The following OXSR1 variants were observed in gnomAD, a reference collection of about 807,000 sequenced individuals.
The protein encoded by OXSR1 is oxidative stress responsive kinase 1.
In OXSR1, 24 loss-of-function variants were observed where a neutral mutation model predicts 79.8. That is an observed-to-expected ratio of 0.30 (90% CI 0.22 to 0.42). The LOEUF is 0.42. OXSR1 is among the 10% of genes least tolerant of loss of function. The probability of loss-of-function intolerance (pLI) is 1.00; values close to 1 mark genes in which losing one functional copy is unlikely to be tolerated. For missense variants in OXSR1, 430 were observed against 618.4 expected (o/e 0.70, Z 3.23); for synonymous variants, 226 against 209.2 (o/e 1.08, Z -0.69).
At chr3:38,200,383 C>T (rs1483921716) in intron 4 of OXSR1, among the ~76,000 whole-genome samples, 2 of 152,070 alleles carry the variant, frequency 1.3e-5, no homozygotes, top group Middle Eastern at 3.2e-3. Flanking sequence ...TTAAACCTTT[C>T]CTATGATGTT....
At chr3:38,184,845 C>T in intron 2 of OXSR1, among the ~76,000 whole-genome samples, 1 of 114,144 alleles carries the variant, frequency 8.8e-6, no homozygotes. Context: ...TTATTGTCTG[C>T]TTAGTATAGT....
At chr3:38,230,332 T>G in intron 9 of OXSR1, 33 bp from the exon 10 acceptor site, 2 of 1,422,912 alleles carry the variant, frequency 1.4e-6, no homozygotes, top group Non-Finnish European at 2.0e-6. Context: ...CTTAAAAACT[T>G]GTAAGAACAA....
chr3:38,249,244 C>A (rs1396002773), intron 14 of OXSR1, among the ~76,000 whole-genome samples: 1 of 152,130 alleles, frequency 6.6e-6, no homozygotes, highest in African/African-American at 2.4e-5. Context: ...GTTCTCATTT[C>A]TCTGTCTTTA....
rs549940647 is a variant in OXSR1 at position 38,186,650 on chromosome 3, T to C, written c.183+3535T>C. ...CATGTATCAGTTCTTTTTTCCTTTTTTATTGGTGAATAACAGTCCATTATA... is the reference window on the plus strand; with the variant it reads ...CATGTATCAGTTCTTTTTTCCTTTTCTATTGGTGAATAACAGTCCATTATA... On this transcript the variant is annotated intron_variant, in intron 2 of 17. Transcript: ENST00000311806. Among the ~76,000 whole-genome samples the C allele has an allele frequency of 2.6e-5, 4 of 152,372 alleles. No homozygotes were observed. In the East Asian group the frequency reaches 7.7e-4, roughly 29 times the overall value.
chr3:38,218,802 A>G (rs1395451404), intron 5 of OXSR1, among the ~76,000 whole-genome samples: 1 of 152,160 alleles, frequency 6.6e-6, no homozygotes, highest in Non-Finnish European at 1.5e-5. Context: ...AGGGGCTTCT[A>G]ACTTTTTCAT....
At chr3:38,224,542 A>G in intron 7 of OXSR1, 29 bp from the exon 8 acceptor site, 1 of 1,555,432 alleles carries the variant, frequency 6.4e-7, no homozygotes, top group Non-Finnish European at 8.6e-7. Flanking sequence ...AGTCATCACA[A>G]GTTTATAGTA....
intron 2 of OXSR1, among the ~76,000 whole-genome samples, chr3:38,188,794 A>G (rs1414154109): frequency 6.6e-6 from 1 of 152,108 alleles, no homozygotes; most frequent in Admixed American, 6.5e-5. Context: ...CAAGCCTTCC[A>G]TGTTATGACT....
Position 38,165,766 on chromosome 3 carries a change from G to A in OXSR1, c.-111G>A, listed in dbSNP as rs1438177705. On this transcript the variant is annotated 5_prime_UTR_variant, in exon 1 of 18. Transcript: ENST00000311806. Reference sequence around the variant, plus strand: ...GACCCGTGGCTGTTCCGAGACGATTGGTGGGGGCGCGGCGGCGGCGGCGGC... The same window carrying A: ...GACCCGTGGCTGTTCCGAGACGATTAGTGGGGGCGCGGCGGCGGCGGCGGC... The A allele has an allele frequency of 2.1e-6, 2 of 971,488 alleles. No homozygotes were observed. The highest frequency in any genetic ancestry group is 5.2e-5 in the East Asian group (2 of 38,126). 60.2% of individuals were successfully genotyped at this position (971,488 alleles called of 1,614,324 possible).
chr3:38,171,096 A>G (rs1488639932), intron 1 of OXSR1, among the ~76,000 whole-genome samples: 1 of 152,152 alleles, frequency 6.6e-6, no homozygotes, highest in African/African-American at 2.4e-5. Context: ...ATCTATCCTT[A>G]GAGTGAAAAA....
chr3:38,177,746 G>T (rs1002376786), intron 1 of OXSR1, among the ~76,000 whole-genome samples: 1 of 151,704 alleles, frequency 6.6e-6, no homozygotes, highest in Non-Finnish European at 1.5e-5. Flanking sequence ...CACCATGCCT[G>T]GCTAATTTTT....
intron 12 of OXSR1, among the ~76,000 whole-genome samples, chr3:38,245,440 T>C (rs963762351): frequency 6.6e-6 from 1 of 152,184 alleles, no homozygotes; most frequent in Non-Finnish European, 1.5e-5. Context: ...ATTTCAGATA[T>C]GTTAAGGAAT....
intron 4 of OXSR1, among the ~76,000 whole-genome samples, chr3:38,203,816 G>A (rs1702214882): frequency 6.6e-6 from 1 of 152,048 alleles, no homozygotes; most frequent in South Asian, 2.1e-4. Flanking sequence ...TCTTCCCCAG[G>A]GCCCATGGTA....
Position 38,252,410 on chromosome 3 carries a change from C to G in OXSR1, c.1509+18C>G. ...TCAAACTGGTACTCATCCCTTCTTC[C>G]TTGTGAAAACATCTTGCCTTTTATA... On this transcript the variant is annotated intron_variant, in intron 17 of 17. Coordinates refer to ENST00000311806, the MANE Select transcript of OXSR1 (RefSeq NM_005109.3). 6.4e-7 allele frequency: 1 copy of G among 1,562,620 alleles called. No individual in the cohort carries two copies. Among genetic ancestry groups the G allele is most frequent in the Non-Finnish European group, 8.8e-7 (1 of 1,133,292 alleles).
At chr3:38,223,583 C>T (rs1702631034) in intron 6 of OXSR1, among the ~76,000 whole-genome samples, 2 of 151,688 alleles carry the variant, frequency 1.3e-5, no homozygotes, top group African/African-American at 4.8e-5. Context: ...GCTGAGATTA[C>T]AGGCATGCGC....
At chr3:38,191,302 G>A (rs996362996) in intron 3 of OXSR1, among the ~76,000 whole-genome samples, 4 of 151,876 alleles carry the variant, frequency 2.6e-5, no homozygotes, top group Admixed American at 6.6e-5. Context: ...CTGTCTTCAA[G>A]CGATCCTTCC....
At chr3:38,221,047 TA>T (rs1702578175) in intron 5 of OXSR1, among the ~76,000 whole-genome samples, 1 of 152,204 alleles carries the variant, frequency 6.6e-6, no homozygotes, top group South Asian at 2.1e-4. Context: ...AACTCTGATT[TA>T]TTTGGGGCTG....
At chr3:38,216,776 A>G (rs1187281123) in intron 5 of OXSR1, among the ~76,000 whole-genome samples, 4 of 152,208 alleles carry the variant, frequency 2.6e-5, no homozygotes, top group Non-Finnish European at 4.4e-5. Context: ...GGTGTTTGGC[A>G]GGAGGAAGAT....
At position 38,183,085 on chromosome 3, in the gene OXSR1, G is replaced by T; in HGVS notation, c.153G>T (p.Glu51Asp). ...TGGCAATCAAACGGATAAACCTTGA[G>T]AAATGTCAAACTAGCATGGATGAAC... ...EKVAIKRINL[E>D]KCQTSMDELL... The change falls in exon 2 of 18, where the codon GAG becomes GAT. Residue 51 changes from glutamate to aspartate, a missense_variant. Transcript: ENST00000311806. The T allele has an allele frequency of 6.2e-7, 1 of 1,611,240 alleles. No homozygotes were observed. The highest frequency in any genetic ancestry group is 8.5e-7 in the Non-Finnish European group (1 of 1,178,130).
At position 38,179,591 on chromosome 3, in the gene OXSR1, A is replaced by C. The variant is rs545475177; in HGVS notation, c.71-3412A>C. 6.1e-4 allele frequency among the ~76,000 whole-genome samples: 93 copies of C among 152,322 alleles called. 1 individual carries two copies. The South Asian group carries it at 0.019, about 31-fold the overall frequency. ...AATTCCAGAATGTTTTCATAACTCC[A>C]AAAGAAACAATGTACAATTGTCCCT... On this transcript the variant is annotated intron_variant, in intron 1 of 17. Coordinates refer to ENST00000311806, the MANE Select transcript of OXSR1 (RefSeq NM_005109.3).
Sources: gnomAD v4.1 joint callset for allele counts (sites outside exome capture counted in the v4.1 genomes callset) on GRCh38, gnomAD v4.1.1 for gene constraint, MANE v1.5 for transcripts, NCBI Gene and HGNC (gene_info 2026-07-23, HGNC 2026-07-21) for gene names.